PCDHGB2: variants seen among roughly 807,000 people sequenced by gnomAD.
PCDHGB2 encodes protocadherin gamma-B2.
In PCDHGB2, 55 loss-of-function variants were observed where a neutral mutation model predicts 59.3. That is an observed-to-expected ratio of 0.93 (90% CI 0.75 to 1.16). The LOEUF (loss-of-function observed/expected upper bound fraction) is 1.16, where lower values mean the gene tolerates loss of function less well. Among genes scored for constraint, PCDHGB2 ranks in the 50% most tolerant of loss-of-function variants. The pLI, the probability that PCDHGB2 is intolerant of heterozygous loss-of-function variation, is 0.00. For synonymous variants in PCDHGB2, 516 were observed against 512.0 expected (o/e 1.01, Z -0.11); for missense variants, 1,228 against 1,198.5 (o/e 1.02, Z -0.36).
intron 1 of PCDHGB2, chr5:141,427,503 A>C (rs1317684577): frequency 6.9e-6 from 4 of 578,118 alleles, no homozygotes; most frequent in Non-Finnish European, 9.8e-6. Flanking sequence ...AACAGATGGG[A>C]CCCTGGATTG....
chr5:141,374,215 C>A (rs770866531), intron 1 of PCDHGB2: 22 of 1,613,838 alleles, frequency 1.4e-5, no homozygotes, highest in South Asian at 8.8e-5. Context: ...AAGGCTCCTT[C>A]GTAGGCAACA....
At chr5:141,438,091 C>T (rs964466012) in intron 1 of PCDHGB2, among the ~76,000 whole-genome samples, 1 of 152,098 alleles carries the variant, frequency 6.6e-6, no homozygotes, top group Admixed American at 6.6e-5. Flanking sequence ...TTACCAGTAA[C>T]AGGGCATACT....
Position 141,486,177 on chromosome 5 carries a change from G to A in PCDHGB2, c.2422-8630G>A. The A allele has an allele frequency of 6.2e-7, 1 of 1,614,222 alleles. No individual in the cohort carries two copies. Among genetic ancestry groups the A allele is most frequent in the Non-Finnish European group, 8.5e-7 (1 of 1,180,042 alleles). ...TCTCCAGCCATGGAGCAACATTGCA[G>A]CCTTCGAGTGGATCTGCTGGACGTA... On this transcript the variant is annotated intron_variant, in intron 1 of 3. Coordinates refer to ENST00000522605, the MANE Select transcript of PCDHGB2 (RefSeq NM_018923.3). The surrounding 1 kb of genome is among the most constrained non-coding windows in gnomAD (Gnocchi z 5.0).
chr5:141,480,137 A>G (rs1183663599), intron 1 of PCDHGB2, among the ~76,000 whole-genome samples: 2 of 152,096 alleles, frequency 1.3e-5, no homozygotes, highest in Non-Finnish European at 2.9e-5. Context: ...CTGTTAAACA[A>G]TTATTAGCCA....
At chr5:141,413,299 G>T in intron 1 of PCDHGB2, 1 of 1,613,966 alleles carries the variant, frequency 6.2e-7, no homozygotes, top group Non-Finnish European at 8.5e-7. Flanking sequence ...AATTCCTGAG[G>T]AATTAGAGAA....
chr5:141,427,434 A>G (rs2097026509), intron 1 of PCDHGB2: 1 of 473,650 alleles, frequency 2.1e-6, no homozygotes, highest in African/African-American at 2.0e-5. Context: ...TACATGCCTC[A>G]TAAACGAAAG....
At chr5:141,382,392 C>T (rs1778169191) in intron 1 of PCDHGB2, among the ~76,000 whole-genome samples, 1 of 152,092 alleles carries the variant, frequency 6.6e-6, no homozygotes, top group Non-Finnish European at 1.5e-5. Context: ...AACTGATTTT[C>T]CCATGTGCAA....
rs888389135 is a variant in PCDHGB2 at position 141,487,089 on chromosome 5, C to T, written c.2422-7718C>T. 12 of 1,613,882 alleles carry T rather than the reference C, an allele frequency of 7.4e-6. No individual in the cohort carries two copies. Among genetic ancestry groups the T allele is most frequent in the Non-Finnish European group, 1.0e-5 (12 of 1,179,768 alleles). On this transcript the variant is annotated intron_variant, in intron 1 of 3. Coordinates refer to ENST00000522605, the MANE Select transcript of PCDHGB2 (RefSeq NM_018923.3). The surrounding 1 kb of genome is among the most constrained non-coding windows in gnomAD (Gnocchi z 5.0). The stretch of plus-strand genomic sequence containing the variant: ...GCTGTTCCTATCCCAGCTGACCTCC[C>T]ACCACAGAAGCTGGTCATTGTGGTA...
chr5:141,378,022 A>G (rs1411303620), intron 1 of PCDHGB2: 2 of 152,188 alleles, frequency 1.3e-5, no homozygotes, highest in Non-Finnish European at 2.9e-5. Flanking sequence ...TACTTATATT[A>G]TTTTTTAAAA....
chr5:141,381,835 T>TCTTTCTTCTTC (rs1561589443), intron 1 of PCDHGB2, among the ~76,000 whole-genome samples: 174 of 141,116 alleles, frequency 1.2e-3, no homozygotes, highest in African/African-American at 4.6e-3. Flanking sequence ...TCTTTTTTTT[T>TCTTTCTTCTTC]TTTTTTTTTT....
At chr5:141,428,066 A>T in intron 1 of PCDHGB2, 2 of 1,609,118 alleles carry the variant, frequency 1.2e-6, no homozygotes, top group Non-Finnish European at 1.7e-6. Context: ...CGGTGGACGC[A>T]GATTCGGGAC....
chr5:141,371,950 C>T (rs749822569), intron 1 of PCDHGB2: 2 of 1,613,286 alleles, frequency 1.2e-6, no homozygotes, highest in Non-Finnish European at 1.7e-6. Context: ...GCGCAGCGAG[C>T]CTTCGACCAC....
chr5:141,373,897 C>T, intron 1 of PCDHGB2: 1 of 537,056 alleles, frequency 1.9e-6, no homozygotes, highest in Non-Finnish European at 3.1e-6. Flanking sequence ...ACTCAAGTTA[C>T]ATCCTCCAAC....
At chr5:141,478,816 A>G in intron 1 of PCDHGB2, 1 of 1,450,826 alleles carries the variant, frequency 6.9e-7, no homozygotes, top group Non-Finnish European at 9.1e-7. Context: ...TATCACAACT[A>G]ACCAATCTTG....
chr5:141,409,205 A>G (rs766592481), intron 1 of PCDHGB2: 3 of 1,614,068 alleles, frequency 1.9e-6, no homozygotes, highest in Non-Finnish European at 1.7e-6. Context: ...TAAAGTAATC[A>G]TAGAAATCCT....
chr5:141,372,007 G>T, intron 1 of PCDHGB2: 3 of 1,613,298 alleles, frequency 1.9e-6, no homozygotes, highest in Non-Finnish European at 2.5e-6. Flanking sequence ...CGCGACCAGG[G>T]CTCGCCTACG....
intron 1 of PCDHGB2, chr5:141,398,411 T>C (rs1346480691): frequency 6.8e-7 from 1 of 1,478,640 alleles, no homozygotes; most frequent in South Asian, 1.1e-5. Context: ...AGGGAGGAGA[T>C]ATGCGGGAAG....
Position 141,487,399 on chromosome 5 carries a change from G to T in PCDHGB2, c.2422-7408G>T, listed in dbSNP as rs749826036. 6.2e-7 allele frequency: 1 copy of T among 1,614,140 alleles called. No individual in the cohort carries two copies. The highest frequency in any genetic ancestry group is 8.5e-7 in the Non-Finnish European group (1 of 1,180,014). ...TCACCAGATCTCGAAGGAGGGAGGG[G>T]CTTCCCCCTTCCAATGGGATCCTCC... On this transcript the variant is annotated intron_variant, in intron 1 of 3. Transcript: ENST00000522605. The surrounding 1 kb of genome is among the most constrained non-coding windows in gnomAD (Gnocchi z 5.0).
At position 141,361,499 on chromosome 5, in the gene PCDHGB2, C is replaced by G; in HGVS notation, c.1364C>G (p.Thr455Ser). The G allele has an allele frequency of 6.2e-7, 1 of 1,614,066 alleles. No individual in the cohort carries two copies. The highest frequency in any genetic ancestry group is 8.5e-7 in the Non-Finnish European group (1 of 1,179,896). ...GATAATGCCCCAGTTTTCCAACAGA[C>G]TTCCTACATGGTTCACGTGGCAGAG... ...VNDNAPVFQQ[T>S]SYMVHVAENN... Residue 455 changes from threonine (T) to serine (S), a missense_variant, in exon 1 of 4, where the codon ACT (threonine) becomes AGT (serine). Thr to Ser is a moderately conservative substitution (Grantham distance 58). Transcript: ENST00000522605.
Sources: allele counts gnomAD v4.1 joint callset (sites outside exome capture counted in the v4.1 genomes callset), GRCh38; gene constraint gnomAD v4.1.1; non-coding constraint Gnocchi (gnomAD v3.1); transcripts MANE v1.5; gene names NCBI Gene and HGNC (gene_info 2026-07-23, HGNC 2026-07-21).